KASH5: variants seen among roughly 807,000 people sequenced by gnomAD.
KASH5 encodes the protein protein KASH5.
A neutral mutation model predicts 84.2 loss-of-function variants in KASH5; 72 were observed. That is an observed-to-expected ratio of 0.85 (90% confidence interval 0.71 to 1.04). The LOEUF is 1.04. Ranked by LOEUF, KASH5 falls within the 50% of genes least tolerant of loss-of-function variation. The pLI, the probability that KASH5 is intolerant of heterozygous loss-of-function variation, is 0.00. For synonymous variants in KASH5, 260 were observed against 279.1 expected (o/e 0.93, Z 0.68); for missense variants, 650 against 701.0 (o/e 0.93, Z 0.82).
intron 1 of KASH5, chr19:49,389,960 T>G (rs955273971): frequency 1.3e-5 from 2 of 152,988 alleles, no homozygotes; most frequent in Non-Finnish European, 2.9e-5. Flanking sequence ...GGGGCCATGA[T>G]GAGGAGAGAC....
chr19:49,394,841 C>A, intron 3 of KASH5: 1 of 587,236 alleles, frequency 1.7e-6, no homozygotes, highest in South Asian at 2.2e-5. Flanking sequence ...GAGGCAGCCA[C>A]CATGGTGGCG....
At chr19:49,410,778 A>G (rs1387317521) in intron 15 of KASH5, among the ~76,000 whole-genome samples, 1 of 150,748 alleles carries the variant, frequency 6.6e-6, no homozygotes, top group Non-Finnish European at 1.5e-5. Flanking sequence ...ATGAGCCACC[A>G]TGCCCAGCCT....
At chr19:49,398,868 TTCTCTCTGGGTCTCTGTCCTCCCC>T (rs898901110) in intron 7 of KASH5, among the ~76,000 whole-genome samples, 133 bp from the exon 8 acceptor site, 11 of 152,144 alleles carry the variant, frequency 7.2e-5, no homozygotes, top group Non-Finnish European at 7.4e-5. Context: ...TTCTCCTCTT[TTCTCTCTGGGTCTCTGTCCTCCCC>T]TCTCTCTGGG....
At position 49,395,630 on chromosome 19, in the gene KASH5, TG is replaced by T; in HGVS notation, c.336-137del. 1 of 822,776 alleles carries T rather than the reference TG, an allele frequency of 1.2e-6. No homozygotes were observed. The highest frequency in any genetic ancestry group is 1.9e-6 in the Non-Finnish European group (1 of 516,736). 51.0% of individuals were successfully genotyped at this position (822,776 alleles called of 1,614,324 possible). A position where few individuals can be genotyped will look rare whatever the true frequency, so the allele number is the denominator to read the frequency against. ...CATCTGGCCACGGGCACTTGCCATCTGGCCTCACCCTCCTACCCTGTGGTGC... is the reference window on the plus strand; with the variant it reads ...CATCTGGCCACGGGCACTTGCCATCTGCCTCACCCTCCTACCCTGTGGTGC... On this transcript the variant is annotated intron_variant, in intron 4 of 19. Transcript: ENST00000447857. The surrounding 1 kb of genome is among the most constrained non-coding windows in gnomAD (Gnocchi z 4.4).
intron 7 of KASH5, among the ~76,000 whole-genome samples, chr19:49,398,606 C>G (rs1974262763): frequency 6.6e-6 from 1 of 152,144 alleles, no homozygotes; most frequent in Admixed American, 6.5e-5. Context: ...TGGGCTCAAG[C>G]CATCCTCCCG....
chr19:49,417,037 G>C lies in KASH5; in HGVS notation c.1397G>C (p.Gly466Ala). Residue 466 changes from glycine to alanine, a missense_variant, in exon 18 of 20, where the codon GGA becomes GCA. Transcript: ENST00000447857. The surrounding 1 kb of genome is among the most constrained non-coding windows in gnomAD (Gnocchi z 5.2). Reference sequence around the variant, plus strand: ...CAGGCTGATCTCCCTGTCCCTCTAGGAGCCCCTCGCCCTGGAGACATCCCA... The same window carrying C: ...CAGGCTGATCTCCCTGTCCCTCTAGCAGCCCCTCGCCCTGGAGACATCCCA... ...QVTADLPVPL[G>A]APRPGDIPEN... 6.3e-7 allele frequency: 1 copy of C among 1,593,128 alleles called. No individual in the cohort carries two copies. The highest frequency in any genetic ancestry group is 2.3e-5 in the East Asian group (1 of 43,902).
chr19:49,409,741 C>G lies in KASH5; in HGVS notation c.1147-12C>G, dbSNP rs371239256. On this transcript the variant is annotated splice_polypyrimidine_tract_variant and intron_variant, in intron 14 of 19. Transcript: ENST00000447857. ...TGGCTCTCCCTGACCTCGGAAACAA[C>G]TTCTGTCCCAGAAACAGGAAGTGGC... is the stretch of plus-strand genomic sequence containing the variant. 18 of 1,613,866 alleles carry G rather than the reference C, an allele frequency of 1.1e-5. No homozygotes were observed. The highest frequency in any genetic ancestry group is 1.5e-5 in the Non-Finnish European group (18 of 1,179,776).
chr19:49,409,058 G>A (rs1974625743), intron 13 of KASH5, 27 bp downstream of exon 13: 2 of 1,583,258 alleles, frequency 1.3e-6, no homozygotes, highest in Admixed American at 1.8e-5. Context: ...GGGGTAGGAG[G>A]AGGCAGGAGG....
chr19:49,390,311 A>C (rs1027747647), intron 1 of KASH5: 1 of 153,158 alleles, frequency 6.5e-6, no homozygotes, highest in African/African-American at 2.4e-5. Context: ...GAGTGGCTGG[A>C]GCATCATGTG....
At chr19:49,394,301 C>T (rs1423174725) in intron 2 of KASH5, among the ~76,000 whole-genome samples, 175 bp from the exon 3 acceptor site, 1 of 152,150 alleles carries the variant, frequency 6.6e-6, no homozygotes, top group Non-Finnish European at 1.5e-5. Context: ...AACTCAGAGA[C>T]CCTCACATTG....
intron 5 of KASH5, among the ~76,000 whole-genome samples, chr19:49,397,157 G>A (rs1974207893): frequency 6.6e-6 from 1 of 152,162 alleles, no homozygotes; most frequent in Admixed American, 6.5e-5. Context: ...CAGGCTTGGG[G>A]GCCCAGGGAG....
chr19:49,414,500 TA>T lies in KASH5; in HGVS notation c.1329-450del, dbSNP rs1974829293. On this transcript the variant is annotated intron_variant, in intron 16 of 19. Coordinates refer to ENST00000447857, the MANE Select transcript of KASH5 (RefSeq NM_144688.5). The surrounding 1 kb of genome is among the most constrained non-coding windows in gnomAD (Gnocchi z 4.5). ...GTCTTACAGAGGCCTGAATCTCTGG[TA>T]TTTTGGAGGGTGAGAGAGCCAGAAG... is the stretch of plus-strand genomic sequence containing the variant. 6.6e-6 allele frequency among the ~76,000 whole-genome samples: 1 copy of T among 151,952 alleles called. No individual in the cohort carries two copies. The highest frequency in any genetic ancestry group is 2.1e-4 in the South Asian group (1 of 4,818).
intron 5 of KASH5, among the ~76,000 whole-genome samples, chr19:49,397,187 A>G (rs532790165): frequency 6.6e-6 from 1 of 152,036 alleles, no homozygotes; most frequent in Non-Finnish European, 1.5e-5. Context: ...CAGAGGAGGG[A>G]CTAGAGGCCA....
Position 49,398,148 on chromosome 19 carries a change from G to A in KASH5, c.629+5G>A, listed in dbSNP as rs372891569. On this transcript the variant is annotated splice_donor_5th_base_variant and intron_variant, in intron 7 of 19. Transcript: ENST00000447857. ...TCTGCGTAAGCAGCTTCACAGGTGG[G>A]CTGGATGCCACACCCACCCTCCCCA... 2 of 1,563,320 alleles carry A rather than the reference G, an allele frequency of 1.3e-6. No homozygotes were observed. Among genetic ancestry groups the A allele is most frequent in the African/African-American group, 2.7e-5 (2 of 74,040 alleles).
At chr19:49,405,318 G>A (rs1448282088) in intron 9 of KASH5, among the ~76,000 whole-genome samples, 1 of 151,784 alleles carries the variant, frequency 6.6e-6, no homozygotes, top group Non-Finnish European at 1.5e-5. Flanking sequence ...TTAGCCAGGT[G>A]TGATGGCGTG....
intron 15 of KASH5, among the ~76,000 whole-genome samples, chr19:49,411,171 C>CAA (rs781622151): frequency 2.3e-4 from 35 of 151,390 alleles, no homozygotes; most frequent in South Asian, 1.3e-3. Context: ...CTCCTGGGGT[C>CAA]AAGTGATCCG....
rs1490243646 is a variant in KASH5, at chr19:49,409,252, C to T, written c.1115C>T (p.Ser372Leu). 4.3e-6 allele frequency: 7 copies of T among 1,613,842 alleles called. No homozygotes were observed. The highest frequency in any genetic ancestry group is 2.7e-5 in the African/African-American group (2 of 74,936). The change falls in exon 14 of 20, where the codon TCG becomes TTG. Residue 372 changes from serine to leucine, a missense_variant. By Grantham distance (145) the Ser-to-Leu change is moderately radical. Coordinates refer to ENST00000447857, the MANE Select transcript of KASH5 (RefSeq NM_144688.5). ...RVGWTELLPP[S>L]LGLEIEAIRQ... Reference sequence around the variant, plus strand: ...GGCTGGACCGAGCTGCTACCCCCATCGCTGGGCTTGGAGATCGAGGCCATT... The same window carrying T: ...GGCTGGACCGAGCTGCTACCCCCATTGCTGGGCTTGGAGATCGAGGCCATT...
In KASH5 at chr19:49,395,666, C is replaced by T. The variant is rs376352416; in HGVS notation, c.336-103C>T. Reference sequence around the variant, plus strand: ...TCCTACCCTGTGGTGCCAGCTCTCACCTGACCCGGTCCCCTCCTCCCACCT... The same window carrying T: ...TCCTACCCTGTGGTGCCAGCTCTCATCTGACCCGGTCCCCTCCTCCCACCT... On this transcript the variant is annotated intron_variant, in intron 4 of 19. Coordinates refer to ENST00000447857, the MANE Select transcript of KASH5 (RefSeq NM_144688.5). The surrounding 1 kb of genome is among the most constrained non-coding windows in gnomAD (Gnocchi z 4.4). 2.7e-5 allele frequency: 33 copies of T among 1,210,908 alleles called. No individual in the cohort carries two copies. The highest frequency in any genetic ancestry group is 6.0e-5 in the African/African-American group (4 of 66,758). The allele number at this position is 1,210,908 out of a possible 1,614,324, so 75.0% of individuals were successfully genotyped here.
Position 49,409,026 on chromosome 19 carries a change from C to G in KASH5, c.1053C>G (p.Pro351=). 1 of 1,591,286 alleles carries G rather than the reference C, an allele frequency of 6.3e-7. No homozygotes were observed. Among genetic ancestry groups the G allele is most frequent in the Non-Finnish European group, 8.6e-7 (1 of 1,169,176 alleles). ...AGCTGAGTCAGACCTATGAGGGGCCCGATGAGTGAGTGGAATTTCAAGGGG... is the reference window on the plus strand; with the variant it reads ...AGCTGAGTCAGACCTATGAGGGGCCGGATGAGTGAGTGGAATTTCAAGGGG... ...EEQLSQTYEG[P]DELPEGAQLR... is the part of the protein sequence containing the mutation. The change falls in exon 13 of 20, where the codon CCC becomes CCG. Residue 351 remains proline (P), a synonymous_variant. Transcript: ENST00000447857.
Sources: allele counts gnomAD v4.1 joint callset (sites outside exome capture counted in the v4.1 genomes callset), GRCh38; gene constraint gnomAD v4.1.1; non-coding constraint Gnocchi (gnomAD v3.1); transcripts MANE v1.5; gene names NCBI Gene and HGNC (gene_info 2026-07-23, HGNC 2026-07-21).